Variants in PLXNC1 observed in about 807,000 individuals in gnomAD.
The protein encoded by PLXNC1 is plexin C1.
A neutral mutation model predicts 178.2 loss-of-function variants in PLXNC1; 75 were observed. The ratio of observed to expected loss-of-function variants is 0.42; its 90% confidence interval spans 0.35 to 0.51. The LOEUF (loss-of-function observed/expected upper bound fraction) is 0.51. Among genes scored for constraint, PLXNC1 ranks in the 20% least tolerant of loss-of-function variants. The pLI, the probability that PLXNC1 is intolerant of heterozygous loss-of-function variation, is 0.02. For synonymous variants in PLXNC1, 790 were observed against 779.9 expected (o/e 1.01, Z -0.22); for missense variants, 1,503 against 1,984.4 (o/e 0.76, Z 4.61).
Position 94,227,130 on chromosome 12 carries a change from G to T in PLXNC1, c.1894-19G>T. ...ATTTACCACCCATCTGGATGTTGAAGGGATGTTCTCCATTCCAGGAACAGT... is the reference window on the plus strand; with the variant it reads ...ATTTACCACCCATCTGGATGTTGAATGGATGTTCTCCATTCCAGGAACAGT... On this transcript the variant is annotated intron_variant, in intron 8 of 30. Transcript: ENST00000258526. The T allele has an allele frequency of 6.6e-7, 1 of 1,507,560 alleles. No homozygotes were observed. The highest frequency in any genetic ancestry group is 9.2e-7 in the Non-Finnish European group (1 of 1,082,950). The allele number at this position is 1,507,560 out of a possible 1,614,324, so 93.4% of individuals were successfully genotyped here.
chr12:94,257,044 C>A (rs906977466), intron 17 of PLXNC1, among the ~76,000 whole-genome samples: 2 of 152,192 alleles, frequency 1.3e-5, no homozygotes, highest in Admixed American at 1.3e-4. Context: ...TTTGTCAGAA[C>A]CCTTTCAAGA....
chr12:94,222,299 C>T (rs150800011), intron 6 of PLXNC1, among the ~76,000 whole-genome samples: 7 of 152,284 alleles, frequency 4.6e-5, no homozygotes, highest in South Asian at 2.1e-4. Context: ...ATATTCTGAA[C>T]GGGCAAACAA....
At chr12:94,271,353 A>G (rs1461536892) in intron 21 of PLXNC1, among the ~76,000 whole-genome samples, 1 of 152,226 alleles carries the variant, frequency 6.6e-6, no homozygotes, top group Non-Finnish European at 1.5e-5. Flanking sequence ...TAGCCAGATC[A>G]TCTTCCCATG....
At chr12:94,212,717 CTTTTCTTTTT>C (rs972004774) in intron 5 of PLXNC1, among the ~76,000 whole-genome samples, 4 of 141,910 alleles carry the variant, frequency 2.8e-5, no homozygotes, top group African/African-American at 1.0e-4. Flanking sequence ...CTTTTCTTTT[CTTTTCTTTTT>C]TTTTTTTTTT....
At chr12:94,201,748 C>CTTTTT (rs10529488) in intron 4 of PLXNC1, among the ~76,000 whole-genome samples, 1 of 54,422 alleles carries the variant, frequency 1.8e-5, no homozygotes, top group African/African-American at 7.3e-5. Context: ...CTTCCCACTA[C>CTTTTT]TTTTTTTTTT....
At chr12:94,243,227 G>A (rs1045385567) in intron 11 of PLXNC1, among the ~76,000 whole-genome samples, 1 of 152,242 alleles carries the variant, frequency 6.6e-6, no homozygotes, top group Non-Finnish European at 1.5e-5. Context: ...TCAGCTGGCT[G>A]TTGGACCTGA....
chr12:94,276,321 C>T (rs1231693527), intron 21 of PLXNC1, among the ~76,000 whole-genome samples: 2 of 152,140 alleles, frequency 1.3e-5, no homozygotes, highest in African/African-American at 4.8e-5. Context: ...GGCAAGACCC[C>T]AACAAGATCG....
At chr12:94,289,028 A>C (rs936008903) in intron 23 of PLXNC1, among the ~76,000 whole-genome samples, 15 of 152,194 alleles carry the variant, frequency 9.9e-5, no homozygotes, top group African/African-American at 3.6e-4. Flanking sequence ...TGAAATTGTC[A>C]ATAGGTGACC....
intron 23 of PLXNC1, among the ~76,000 whole-genome samples, chr12:94,294,282 T>C (rs1967676010): frequency 6.6e-6 from 1 of 152,156 alleles, no homozygotes; most frequent in South Asian, 2.1e-4. Flanking sequence ...CACAGGACCA[T>C]GAGCCCCTTG....
chr12:94,189,327 A>G (rs1962635418), intron 4 of PLXNC1, among the ~76,000 whole-genome samples: 1 of 152,162 alleles, frequency 6.6e-6, no homozygotes, highest in Non-Finnish European at 1.5e-5. Context: ...TAAGGACCTG[A>G]TAGGGGTAGG....
intron 23 of PLXNC1, among the ~76,000 whole-genome samples, chr12:94,285,750 C>T (rs544595098): frequency 2.0e-5 from 3 of 152,220 alleles, no homozygotes; most frequent in East Asian, 3.9e-4. Context: ...GTTCAGGGTT[C>T]TAGACCTGCA....
intron 4 of PLXNC1, among the ~76,000 whole-genome samples, chr12:94,193,785 C>A (rs1302401336): frequency 1.3e-5 from 2 of 152,010 alleles, no homozygotes; most frequent in African/African-American, 4.8e-5. Context: ...GCTGGGGTGA[C>A]CAGATGGACA....
chr12:94,262,826 G>A, intron 20 of PLXNC1: 3 of 948,124 alleles, frequency 3.2e-6, no homozygotes, highest in Non-Finnish European at 3.8e-6. Flanking sequence ...TTTATTGAAT[G>A]TGCCAGACAG....
Position 94,254,867 on chromosome 12 carries a change from C to T in PLXNC1, c.2962C>T (p.Leu988Phe). 6.2e-7 allele frequency: 1 copy of T among 1,611,418 alleles called. No individual in the cohort carries two copies. Among genetic ancestry groups the T allele is most frequent in the Non-Finnish European group, 8.5e-7 (1 of 1,179,134 alleles). The change falls in exon 16 of 31, where the codon CTC (leucine) becomes TTC (phenylalanine). Residue 988 changes from leucine to phenylalanine, a missense_variant. Physicochemically the swap from Leu to Phe is conservative, Grantham distance 22. Around this residue, in one of 4 missense-constraint regions of PLXNC1, gnomAD observed 639 missense variants for 979.7 expected, o/e 0.65. Transcript: ENST00000258526. ...ACAACTAGAATTGCTGGAAAGCGAGCTCCGGAAAGAGATACGTGACGGTAG... is the reference window on the plus strand; with the variant it reads ...ACAACTAGAATTGCTGGAAAGCGAGTTCCGGAAAGAGATACGTGACGGTAG... The part of the protein sequence containing the change: ...SQQLELLESE[L>F]RKEIRDGFAE...
chr12:94,297,956 A>C (rs1968094174), intron 26 of PLXNC1, among the ~76,000 whole-genome samples: 1 of 152,228 alleles, frequency 6.6e-6, no homozygotes, highest in South Asian at 2.1e-4. Flanking sequence ...TGGAATTAAC[A>C]GAAGTCTGTG....
intron 4 of PLXNC1, among the ~76,000 whole-genome samples, chr12:94,195,792 G>T (rs1030642496): frequency 6.6e-6 from 1 of 152,154 alleles, no homozygotes. Context: ...AGGGCCCTGT[G>T]GTCAGTCTTC....
rs1198592292 is a variant in PLXNC1, at chr12:94,303,850, C to T, written c.4481C>T (p.Pro1494Leu). Residue 1494 changes from proline to leucine, a missense_variant, in exon 29 of 31, where the codon CCA becomes CTA. Coordinates refer to ENST00000258526, the MANE Select transcript of PLXNC1 (RefSeq NM_005761.3). ...TACAAAGCAATCAGGGATTTGCCTC[C>T]ATTGTCATCCTCAGAAATGGAAGAA... is the stretch of plus-strand genomic sequence containing the variant. ...SYYKAIRDLP[P>L]LSSSEMEEFL... 1.2e-6 allele frequency: 2 copies of T among 1,609,946 alleles called. No homozygotes were observed. Among genetic ancestry groups the T allele is most frequent in the Non-Finnish European group, 1.7e-6 (2 of 1,177,996 alleles).
rs373684516 is a variant in PLXNC1, at chr12:94,226,624, A to G, written c.1810A>G (p.Thr604Ala). 51 of 1,613,540 alleles carry G rather than the reference A, an allele frequency of 3.2e-5. No individual in the cohort carries two copies. The South Asian group carries it at 5.2e-4, about 16-fold the overall frequency. ...SLKECPACVE[T>A]GCAWCKSARR... Reference sequence around the variant, plus strand: ...TGCTAGATGCCCAGCATGCGTAGAAACTGGCTGCGCGTGGTGTAAAAGTGC... The same window carrying G: ...TGCTAGATGCCCAGCATGCGTAGAAGCTGGCTGCGCGTGGTGTAAAAGTGC... Residue 604 changes from threonine to alanine, a missense_variant, in exon 8 of 31, where the codon ACT becomes GCT. Transcript: ENST00000258526.
In PLXNC1 at chr12:94,148,860, G is replaced by C. The variant is rs1371296714; in HGVS notation, c.-112G>C. On this transcript the variant is annotated 5_prime_UTR_variant, in exon 1 of 31. Coordinates refer to ENST00000258526, the MANE Select transcript of PLXNC1 (RefSeq NM_005761.3). The surrounding 1 kb of genome is among the most constrained non-coding windows in gnomAD (Gnocchi z 4.8). ...AGCTGCGGGGATGGGGCGGCCGCGGGAGCCCGAGCGCGCGCAGGAACCGCC... is the reference window on the plus strand; with the variant it reads ...AGCTGCGGGGATGGGGCGGCCGCGGCAGCCCGAGCGCGCGCAGGAACCGCC... The C allele has an allele frequency of 5.7e-6, 1 of 175,162 alleles. No individual in the cohort carries two copies. Among genetic ancestry groups the C allele is most frequent in the East Asian group, 1.9e-4 (1 of 5,214 alleles). The allele number at this position is 175,162 out of a possible 1,614,324, so 10.9% of individuals were successfully genotyped here. A position where few individuals can be genotyped will look rare whatever the true frequency, so the allele number is the denominator to read the frequency against.
Sources: allele counts gnomAD v4.1 joint callset (sites outside exome capture counted in the v4.1 genomes callset), GRCh38; gene constraint gnomAD v4.1.1; regional missense constraint gnomAD v4.1.1; non-coding constraint Gnocchi (gnomAD v3.1); transcripts MANE v1.5; gene names NCBI Gene and HGNC (gene_info 2026-07-23, HGNC 2026-07-21).